The following CSGALNACT1 variants were observed in gnomAD, a reference collection of about 807,000 sequenced individuals.
CSGALNACT1 encodes the protein chondroitin sulfate N-acetylgalactosaminyltransferase 1, also known as beta4GalNAcT-1.
A neutral mutation model predicts 51.0 loss-of-function variants in CSGALNACT1; 52 were observed. The ratio of observed to expected loss-of-function variants is 1.02; its 90% CI spans 0.82 to 1.29. The LOEUF is 1.29. Among genes scored for constraint, CSGALNACT1 ranks in the 50% most tolerant of loss-of-function variants. The probability of loss-of-function intolerance (pLI) is 0.00; values close to 1 mark genes in which losing one functional copy is unlikely to be tolerated. For synonymous variants in CSGALNACT1, 341 were observed against 254.4 expected (o/e 1.34, Z -3.24); for missense variants, 935 against 679.2 (o/e 1.38, Z -4.19).
chr8:19,689,510 T>A (rs1216662889), intron 1 of CSGALNACT1, among the ~76,000 whole-genome samples: 1 of 152,198 alleles, frequency 6.6e-6, no homozygotes, highest in Non-Finnish European at 1.5e-5. Flanking sequence ...GAGCCACTGT[T>A]TTGAAGAGGT....
intron 1 of CSGALNACT1, among the ~76,000 whole-genome samples, chr8:19,744,500 T>A (rs1254697130): frequency 1.3e-5 from 2 of 152,204 alleles, no homozygotes; most frequent in Admixed American, 6.5e-5. Context: ...TTTTATTACC[T>A]TCAAGAACAC....
At chr8:19,574,565 G>C (rs1302101540) in intron 3 of CSGALNACT1, among the ~76,000 whole-genome samples, 1 of 152,152 alleles carries the variant, frequency 6.6e-6, no homozygotes, top group Non-Finnish European at 1.5e-5. Context: ...CACACATATG[G>C]TGTGGAACTG....
intron 3 of CSGALNACT1, among the ~76,000 whole-genome samples, chr8:19,565,079 T>G (rs1041405833): frequency 3.9e-5 from 6 of 152,240 alleles, no homozygotes; most frequent in Non-Finnish European, 7.3e-5. Context: ...GGCCGAAGTT[T>G]GAAGGTTACA....
intron 1 of CSGALNACT1, among the ~76,000 whole-genome samples, chr8:19,633,676 C>A (rs1308539360): frequency 6.6e-6 from 1 of 152,150 alleles, no homozygotes; most frequent in East Asian, 1.9e-4. Context: ...GCCCTCCAGA[C>A]TTTTAGCTTT....
At chr8:19,495,530 T>G (rs1211398978) in intron 4 of CSGALNACT1, among the ~76,000 whole-genome samples, 2 of 152,006 alleles carry the variant, frequency 1.3e-5, no homozygotes, top group African/African-American at 4.8e-5. Flanking sequence ...CAGGGATCAG[T>G]GAGAGAGGGA....
intron 3 of CSGALNACT1, among the ~76,000 whole-genome samples, chr8:19,564,929 T>A (rs1004184368): frequency 6.6e-6 from 1 of 152,210 alleles, no homozygotes; most frequent in African/African-American, 2.4e-5. Flanking sequence ...ATTGGTAGAA[T>A]AAATGAGTGA....
intron 1 of CSGALNACT1, among the ~76,000 whole-genome samples, chr8:19,747,514 T>A (rs2064753672): frequency 6.6e-6 from 1 of 152,188 alleles, no homozygotes; most frequent in Admixed American, 6.5e-5. Context: ...CTTAAGTGAA[T>A]AATATGTTCT....
chr8:19,599,571 AAGAG>A (rs772793820), intron 2 of CSGALNACT1, among the ~76,000 whole-genome samples: 1 of 151,954 alleles, frequency 6.6e-6, no homozygotes, highest in Non-Finnish European at 1.5e-5. Context: ...GAAAGAAAGA[AAGAG>A]AGAGAAAGGA....
chr8:19,526,942 C>T (rs1005869174), intron 3 of CSGALNACT1, among the ~76,000 whole-genome samples: 2 of 152,194 alleles, frequency 1.3e-5, no homozygotes, highest in South Asian at 2.1e-4. Flanking sequence ...TCAGTACCTA[C>T]GTTAAATGCT....
intron 1 of CSGALNACT1, among the ~76,000 whole-genome samples, chr8:19,696,983 G>C (rs1217596661): frequency 3.3e-5 from 5 of 152,194 alleles, no homozygotes; most frequent in Admixed American, 1.3e-4. Context: ...TGACATGTGA[G>C]GGGTTGCAAG....
chr8:19,522,316 C>G (rs989049644), intron 3 of CSGALNACT1, among the ~76,000 whole-genome samples: 3 of 152,104 alleles, frequency 2.0e-5, no homozygotes, highest in African/African-American at 7.2e-5. Context: ...AACCAGAACT[C>G]AGAACTCGAG....
At chr8:19,474,111 C>T (rs2068836684) in intron 4 of CSGALNACT1, among the ~76,000 whole-genome samples, 1 of 152,060 alleles carries the variant, frequency 6.6e-6, no homozygotes. Context: ...TGGTCCAGAT[C>T]CATGGAGCTT....
intron 4 of CSGALNACT1, among the ~76,000 whole-genome samples, chr8:19,479,696 T>C (rs2070798004): frequency 6.6e-6 from 1 of 151,930 alleles, no homozygotes; most frequent in South Asian, 2.1e-4. Context: ...GGATTCCTCA[T>C]TAAGTTCCTT....
At chr8:19,541,656 C>T (rs2085197038) in intron 3 of CSGALNACT1, among the ~76,000 whole-genome samples, 1 of 146,666 alleles carries the variant, frequency 6.8e-6, no homozygotes, top group Non-Finnish European at 1.5e-5. Flanking sequence ...CTGTGTTGGC[C>T]TCCAAAAGTC....
At chr8:19,748,544 A>G (rs1424902624) in intron 1 of CSGALNACT1, among the ~76,000 whole-genome samples, 1 of 152,188 alleles carries the variant, frequency 6.6e-6, no homozygotes. Flanking sequence ...CTGCCATAAC[A>G]GTTGACACAT....
intron 3 of CSGALNACT1, among the ~76,000 whole-genome samples, chr8:19,576,435 C>T (rs888369051): frequency 3.9e-5 from 6 of 152,254 alleles, no homozygotes; most frequent in African/African-American, 1.4e-4. Context: ...TCAGATGATC[C>T]AGTCGCCTCA....
intron 1 of CSGALNACT1, among the ~76,000 whole-genome samples, chr8:19,713,795 T>C (rs2062649972): frequency 6.6e-6 from 1 of 152,194 alleles, no homozygotes; most frequent in Non-Finnish European, 1.5e-5. Context: ...AGACCACACA[T>C]TTCAGTTGAA....
chr8:19,608,815 T>A (rs2051770538), intron 1 of CSGALNACT1, among the ~76,000 whole-genome samples: 1 of 152,204 alleles, frequency 6.6e-6, no homozygotes, highest in Non-Finnish European at 1.5e-5. Flanking sequence ...AGAAATTAAA[T>A]CTTTCACCAA....
intron 1 of CSGALNACT1, among the ~76,000 whole-genome samples, chr8:19,752,967 A>G (rs532237010): frequency 6.6e-6 from 1 of 152,150 alleles, no homozygotes; most frequent in Non-Finnish European, 1.5e-5. Flanking sequence ...AGACTCATTC[A>G]TTTCCTCTCA....
Sources: allele counts gnomAD v4.1 joint callset (sites outside exome capture counted in the v4.1 genomes callset), GRCh38; gene constraint gnomAD v4.1.1; transcripts MANE v1.5; gene names NCBI Gene and HGNC (gene_info 2026-07-23, HGNC 2026-07-21).